The following NFIA variants were observed in gnomAD, a reference collection of about 807,000 sequenced individuals.
NFIA encodes nuclear factor 1 A-type.
NFIA carries 8 observed loss-of-function variants against 62.8 expected under a neutral mutation model. The ratio of observed to expected loss-of-function variants is 0.13; its 90% CI spans 0.07 to 0.23. The LOEUF is 0.23. Ranked by LOEUF, NFIA falls within the 10% of genes least tolerant of loss-of-function variation. The probability of loss-of-function intolerance (pLI) is 1.00; values close to 1 mark genes in which losing one functional copy is unlikely to be tolerated. For missense variants in NFIA, 410 were observed against 642.1 expected (o/e 0.64, Z 3.91); for synonymous variants, 235 against 238.1 (o/e 0.99, Z 0.12).
intron 3 of NFIA, among the ~76,000 whole-genome samples, chr1:61,283,526 G>T (rs1658267159): frequency 1.5e-5 from 2 of 129,406 alleles, no homozygotes; most frequent in Admixed American, 1.9e-4. Context: ...AGGTTGCAGT[G>T]AGCTGAGATC....
intron 3 of NFIA, among the ~76,000 whole-genome samples, chr1:61,324,391 C>A (rs1173198454): frequency 6.6e-6 from 1 of 152,170 alleles, no homozygotes; most frequent in East Asian, 1.9e-4. Flanking sequence ...CAAAGGAAGA[C>A]TAGAATAGAG....
chr1:61,160,633 G>A (rs1462094290), intron 2 of NFIA, among the ~76,000 whole-genome samples: 4 of 152,138 alleles, frequency 2.6e-5, no homozygotes, highest in Admixed American at 2.0e-4. Flanking sequence ...TCTGGAACTC[G>A]GAATAGATTA....
chr1:61,120,372 G>A (rs1193714691), intron 2 of NFIA, among the ~76,000 whole-genome samples: 1 of 152,142 alleles, frequency 6.6e-6, no homozygotes, highest in Non-Finnish European at 1.5e-5. Flanking sequence ...CATTTATCTA[G>A]GTGATTAGTA....
At chr1:61,403,993 C>T (rs1031080664) in intron 7 of NFIA, 111 bp from the exon 8 acceptor site, 1 of 1,238,768 alleles carries the variant, frequency 8.1e-7, no homozygotes, top group Admixed American at 2.0e-5. Context: ...GTCACATGAG[C>T]AATATTGTGA....
At chr1:61,256,257 A>G (rs943951523) in intron 2 of NFIA, among the ~76,000 whole-genome samples, 6 of 151,932 alleles carry the variant, frequency 3.9e-5, no homozygotes, top group African/African-American at 1.2e-4. Flanking sequence ...ACATGGTGAA[A>G]CCCCATCTCT....
At chr1:61,201,498 C>G (rs1040748962) in intron 2 of NFIA, among the ~76,000 whole-genome samples, 2 of 149,888 alleles carry the variant, frequency 1.3e-5, no homozygotes, top group African/African-American at 4.9e-5. Flanking sequence ...GGTTAGATTT[C>G]TCTTTCCTTT....
intron 2 of NFIA, among the ~76,000 whole-genome samples, chr1:61,231,713 C>A (rs561500165): frequency 5.5e-4 from 83 of 152,034 alleles, no homozygotes; most frequent in African/African-American, 2.0e-3. Flanking sequence ...GCCTATAGTC[C>A]CAGCTACTCA....
intron 2 of NFIA, among the ~76,000 whole-genome samples, chr1:61,140,965 G>GTTTTTTT (rs35173386): frequency 1.9e-4 from 17 of 88,634 alleles, no homozygotes; most frequent in Non-Finnish European, 3.2e-4. Flanking sequence ...CCACAGCTGG[G>GTTTTTTT]TTTTTTTTTT....
intron 3 of NFIA, among the ~76,000 whole-genome samples, chr1:61,295,959 A>C (rs1659167916): frequency 6.6e-6 from 1 of 152,234 alleles, no homozygotes. Context: ...AAGCTGTTGC[A>C]TAAGAAATGC....
chr1:61,276,559 T>C (rs1657818525), intron 2 of NFIA, among the ~76,000 whole-genome samples: 2 of 152,230 alleles, frequency 1.3e-5, no homozygotes, highest in African/African-American at 4.8e-5. Flanking sequence ...TGAACAATGT[T>C]GTAAACGACT....
intron 10 of NFIA, among the ~76,000 whole-genome samples, chr1:61,435,803 A>G (rs1244262892): frequency 6.6e-6 from 1 of 152,162 alleles, no homozygotes; most frequent in Non-Finnish European, 1.5e-5. Flanking sequence ...TAGGTAGTGG[A>G]TAGACTGTTA....
At chr1:61,280,683 T>G (rs2100283723) in intron 3 of NFIA, among the ~76,000 whole-genome samples, 1 of 152,270 alleles carries the variant, frequency 6.6e-6, no homozygotes, top group African/African-American at 2.4e-5. Flanking sequence ...TCTGTGGAAT[T>G]TTTGCTTTCT....
chr1:61,421,095 C>G (rs1204749705), intron 9 of NFIA, among the ~76,000 whole-genome samples: 4 of 152,196 alleles, frequency 2.6e-5, no homozygotes, highest in Non-Finnish European at 5.9e-5. Flanking sequence ...CACAGCCCAT[C>G]CCAGAGGCCC....
At chr1:61,254,522 C>T (rs1656251265) in intron 2 of NFIA, among the ~76,000 whole-genome samples, 1 of 152,158 alleles carries the variant, frequency 6.6e-6, no homozygotes, top group African/African-American at 2.4e-5. Context: ...TTCTTCAACA[C>T]TCCTTCTGTT....
At chr1:61,299,258 G>A (rs1659364010) in intron 3 of NFIA, among the ~76,000 whole-genome samples, 1 of 152,060 alleles carries the variant, frequency 6.6e-6, no homozygotes, top group Non-Finnish European at 1.5e-5. Context: ...TTTGCATCTT[G>A]ATCTTTTTAT....
chr1:61,103,344 T>G (rs985713428), intron 2 of NFIA, among the ~76,000 whole-genome samples: 1 of 152,200 alleles, frequency 6.6e-6, no homozygotes, highest in African/African-American at 2.4e-5. Flanking sequence ...ATTTATACTT[T>G]AAGGCTCAGC....
At chr1:61,322,821 C>A (rs1277616145) in intron 3 of NFIA, among the ~76,000 whole-genome samples, 1 of 152,078 alleles carries the variant, frequency 6.6e-6, no homozygotes, top group Non-Finnish European at 1.5e-5. Context: ...GACATAAGTC[C>A]CCAAGAGTAA....
intron 2 of NFIA, among the ~76,000 whole-genome samples, chr1:61,125,933 A>T (rs1646959129): frequency 6.6e-6 from 1 of 152,062 alleles, no homozygotes; most frequent in South Asian, 2.1e-4. Context: ...AAAAGTGAGG[A>T]AGGTAGGGGT....
At chr1:61,371,199 C>T (rs563638208) in intron 6 of NFIA, among the ~76,000 whole-genome samples, 1 of 152,152 alleles carries the variant, frequency 6.6e-6, no homozygotes, top group South Asian at 2.1e-4. Flanking sequence ...ACTTCATGTT[C>T]GAATGTCAAA....
Sources: gnomAD v4.1 joint callset for allele counts (sites outside exome capture counted in the v4.1 genomes callset) on GRCh38, gnomAD v4.1.1 for gene constraint, MANE v1.5 for transcripts, NCBI Gene and HGNC (gene_info 2026-07-23, HGNC 2026-07-21) for gene names.